Variants in ASIC2 observed in about 807,000 individuals in gnomAD.
ASIC2 encodes acid sensing ion channel subunit 2.
Under a neutral mutation model 57.3 loss-of-function variants are expected in ASIC2, and 25 were observed. The observed-to-expected ratio is 0.44, with a 90% CI of 0.32 to 0.61. ASIC2 has a LOEUF of 0.61. ASIC2 is among the 20% of genes least tolerant of loss of function. ASIC2 has a pLI of 0.06. For synonymous variants in ASIC2, 319 were observed against 307.5 expected (o/e 1.04, Z -0.39); for missense variants, 641 against 738.1 (o/e 0.87, Z 1.52).
intron 1 of ASIC2, among the ~76,000 whole-genome samples, chr17:33,357,155 G>T (rs1908417533): frequency 6.6e-6 from 1 of 152,114 alleles, no homozygotes; most frequent in African/African-American, 2.4e-5. Context: ...GGGGCCCTCT[G>T]GAGTAAACTG....
At chr17:33,334,551 C>T (rs1288024126) in intron 1 of ASIC2, among the ~76,000 whole-genome samples, 1 of 152,162 alleles carries the variant, frequency 6.6e-6, no homozygotes, top group Admixed American at 6.5e-5. Flanking sequence ...CAAAGAGACC[C>T]TATCAGTAAT....
chr17:33,899,814 A>G (rs1046751488), intron 1 of ASIC2, among the ~76,000 whole-genome samples: 1 of 152,222 alleles, frequency 6.6e-6, no homozygotes, highest in Non-Finnish European at 1.5e-5. Flanking sequence ...CCTTACCACC[A>G]GCACTTAACT....
At chr17:33,259,439 C>T (rs1167519217) in intron 1 of ASIC2, among the ~76,000 whole-genome samples, 1 of 152,064 alleles carries the variant, frequency 6.6e-6, no homozygotes, top group South Asian at 2.1e-4. Context: ...CATGCAGTAA[C>T]TACTTGGTTC....
At chr17:33,739,141 C>A (rs1468960845) in intron 1 of ASIC2, among the ~76,000 whole-genome samples, 6 of 152,290 alleles carry the variant, frequency 3.9e-5, no homozygotes, top group African/African-American at 7.2e-5. Context: ...GATGAAGAAC[C>A]AGGGTGCTCA....
At chr17:33,432,742 G>A (rs1911463586) in intron 1 of ASIC2, among the ~76,000 whole-genome samples, 1 of 152,060 alleles carries the variant, frequency 6.6e-6, no homozygotes, top group Non-Finnish European at 1.5e-5. Context: ...AGTGGGCAAA[G>A]GACATGAACA....
At position 33,286,905 on chromosome 17, in the gene ASIC2, A is replaced by G. The variant is rs191107821; in HGVS notation, c.708+4503T>C. Among the ~76,000 whole-genome samples the G allele has an allele frequency of 3.8e-3, 574 of 152,330 alleles. 3 individuals are homozygous for G. Among genetic ancestry groups the G allele is most frequent in the Non-Finnish European group, 5.0e-3 (340 of 68,036 alleles). On this transcript the variant is annotated intron_variant, in intron 1 of 9. Transcript: ENST00000225823. ...AGTATATAGTTGACCTTCAAGAGAC[A>G]TTGGTCGATTGAATGAATGAACTGG...
intron 1 of ASIC2, among the ~76,000 whole-genome samples, chr17:33,579,757 A>C (rs1209548095): frequency 1.3e-5 from 2 of 152,164 alleles, no homozygotes; most frequent in Non-Finnish European, 2.9e-5. Flanking sequence ...ACAGCAGCAA[A>C]ACTCATTCAG....
At chr17:34,035,110 T>C (rs1597985346) in intron 1 of ASIC2, among the ~76,000 whole-genome samples, 1 of 150,332 alleles carries the variant, frequency 6.7e-6, no homozygotes, top group South Asian at 2.1e-4. Flanking sequence ...CTTCAAACTA[T>C]ACTACAAGTC....
chr17:33,207,884 T>C (rs1304768964), intron 1 of ASIC2, among the ~76,000 whole-genome samples: 1 of 152,228 alleles, frequency 6.6e-6, no homozygotes, highest in African/African-American at 2.4e-5. Flanking sequence ...CAATGGCCCA[T>C]GGTGCCAACT....
At chr17:33,740,388 A>G (rs2142097382) in intron 1 of ASIC2, among the ~76,000 whole-genome samples, 1 of 152,204 alleles carries the variant, frequency 6.6e-6, no homozygotes, top group East Asian at 1.9e-4. Flanking sequence ...TGGGGAAGCA[A>G]ACATGTTCTT....
chr17:33,762,653 A>G (rs1234840409), intron 1 of ASIC2, among the ~76,000 whole-genome samples: 4 of 152,230 alleles, frequency 2.6e-5, no homozygotes, highest in Non-Finnish European at 4.4e-5. Context: ...TCCTGGCCAT[A>G]GCCGTTGCAC....
chr17:33,127,837 A>G lies in ASIC2; in HGVS notation c.709-15770T>C, dbSNP rs561445207. ...AGTCAGGGAGATGTTTTTCAAAAGC[A>G]AACGCCCCTGCTTAAACCTCTGCAA... is the stretch of plus-strand genomic sequence containing the variant. On this transcript the variant is annotated intron_variant, in intron 1 of 9. Transcript: ENST00000225823. Among the ~76,000 whole-genome samples the G allele has an allele frequency of 5.9e-5, 9 of 152,272 alleles. No individual in the cohort carries two copies. In the East Asian group the frequency reaches 1.7e-3, roughly 29 times the overall value.
Position 34,075,761 on chromosome 17 carries a change from A to T in ASIC2, c.555+80217T>A, listed in dbSNP as rs113495837. Among the ~76,000 whole-genome samples, 239 of 149,102 alleles carry T rather than the reference A, an allele frequency of 1.6e-3. 1 individual carries two copies. Among genetic ancestry groups the T allele is most frequent in the African/African-American group, 5.8e-3 (234 of 40,496 alleles). Reference sequence around the variant, plus strand: ...CCTTAGAGCCTTTGCACCGGCTGTTATCTTGGTTCAGAATGCTCTTCCTCC... The same window carrying T: ...CCTTAGAGCCTTTGCACCGGCTGTTTTCTTGGTTCAGAATGCTCTTCCTCC... On this transcript the variant is annotated intron_variant, in intron 1 of 9. Transcript: ENST00000359872.
intron 1 of ASIC2, among the ~76,000 whole-genome samples, chr17:33,883,726 C>A (rs959511259): frequency 6.6e-6 from 1 of 152,212 alleles, no homozygotes; most frequent in East Asian, 1.9e-4. Flanking sequence ...CTTCTCCCTG[C>A]CCCCTCAACC....
chr17:33,905,422 A>C (rs1438261158), intron 1 of ASIC2, among the ~76,000 whole-genome samples: 1 of 152,132 alleles, frequency 6.6e-6, no homozygotes, highest in East Asian at 1.9e-4. Context: ...CATTCATCAG[A>C]GGATAGAGCT....
At chr17:34,011,520 A>G (rs1054388902) in intron 1 of ASIC2, among the ~76,000 whole-genome samples, 2 of 152,046 alleles carry the variant, frequency 1.3e-5, no homozygotes, top group Admixed American at 1.3e-4. Context: ...ATGTGTTTGA[A>G]TTCCCTACAT....
At chr17:33,706,254 GCT>G (rs1471132092) in intron 1 of ASIC2, among the ~76,000 whole-genome samples, 5 of 147,670 alleles carry the variant, frequency 3.4e-5, no homozygotes, top group Non-Finnish European at 7.5e-5. Context: ...ACAGGATCTG[GCT>G]CTGTCGCTTA....
chr17:33,321,145 C>T (rs951801921), intron 1 of ASIC2, among the ~76,000 whole-genome samples: 4 of 152,146 alleles, frequency 2.6e-5, no homozygotes, highest in African/African-American at 4.8e-5. Flanking sequence ...TTAGCAGGGT[C>T]GTGCTTGTAT....
At chr17:33,036,211 A>C (rs1567722892) in intron 3 of ASIC2, among the ~76,000 whole-genome samples, 1 of 152,160 alleles carries the variant, frequency 6.6e-6, no homozygotes, top group Non-Finnish European at 1.5e-5. Flanking sequence ...TTTTAGGTAG[A>C]TGTTCCTATT....
Sources: allele counts gnomAD v4.1 joint callset (sites outside exome capture counted in the v4.1 genomes callset), GRCh38; gene constraint gnomAD v4.1.1; transcripts MANE v1.5; gene names NCBI Gene and HGNC (gene_info 2026-07-23, HGNC 2026-07-21).